NRL: variants seen among roughly 807,000 people sequenced by gnomAD.
NRL encodes neural retina-specific leucine zipper protein.
NRL carries 16 observed loss-of-function variants against 12.5 expected under a neutral mutation model. That is an observed-to-expected ratio of 1.28 (90% CI 0.87 to 1.95). NRL has a LOEUF of 1.95. Among genes scored for constraint, NRL ranks in the 30% most tolerant of loss-of-function variants. The pLI, the probability that NRL is intolerant of heterozygous loss-of-function variation, is 0.00. For missense variants in NRL, 314 were observed against 325.8 expected (o/e 0.96, Z 0.28); for synonymous variants, 142 against 150.9 (o/e 0.94, Z 0.43).
chr14:24,100,818 A>G (rs549497147), intron 1 of NRL, among the ~76,000 whole-genome samples: 1 of 151,184 alleles, frequency 6.6e-6, no homozygotes, highest in South Asian at 2.1e-4. Flanking sequence ...CCTTCCTACA[A>G]ACAAAATCAG....
chr14:24,087,332 T>C (rs184474519), intron 1 of NRL, among the ~76,000 whole-genome samples: 2 of 151,728 alleles, frequency 1.3e-5, no homozygotes, highest in African/African-American at 4.8e-5. Context: ...TACAAAGAAA[T>C]AGACACATAG....
At chr14:24,096,556 C>T (rs1043605380) in intron 1 of NRL, among the ~76,000 whole-genome samples, 6 of 152,056 alleles carry the variant, frequency 3.9e-5, no homozygotes, top group African/African-American at 1.4e-4. Flanking sequence ...TATTTCTAAA[C>T]GTTGATTAAA....
In NRL at chr14:24,114,858, C is replaced by T. The variant is rs2037503196; in HGVS notation, c.-164G>A. The T allele has an allele frequency of 2.0e-6, 2 of 985,930 alleles. No homozygotes were observed. The highest frequency in any genetic ancestry group is 2.4e-6 in the Non-Finnish European group (2 of 829,958). The allele number at this position is 985,930 out of a possible 1,614,324, so 61.1% of individuals were successfully genotyped here. ...GCGTGACGGAGGAGCGGTTGGCCAA[C>T]GCAGTGGCGGCAGTCGGTGTAAACA... On this transcript the variant is annotated 5_prime_UTR_variant, in exon 1 of 3. Transcript: ENST00000561028.
chr14:24,094,483 C>T lies in NRL; in HGVS notation c.-27-11608G>A. ...CCACCCGCACCTTCCGCTGCGCTCGCCCCCTCGGGGCTGCCAGTGGCGCTC... is the reference window on the plus strand; with the variant it reads ...CCACCCGCACCTTCCGCTGCGCTCGTCCCCTCGGGGCTGCCAGTGGCGCTC... On this transcript the variant is annotated intron_variant, in intron 1 of 2. Coordinates refer to ENST00000561028, the MANE Select transcript of NRL (RefSeq NM_001354768.3). The surrounding 1 kb of genome is among the most constrained non-coding windows in gnomAD (Gnocchi z 4.1). 6.7e-7 allele frequency: 1 copy of T among 1,488,520 alleles called. No homozygotes were observed. The highest frequency in any genetic ancestry group is 1.4e-5 in the African/African-American group (1 of 69,944). The allele number at this position is 1,488,520 out of a possible 1,614,324, so 92.2% of individuals were successfully genotyped here. A position where few individuals can be genotyped will look rare whatever the true frequency, so the allele number is the denominator to read the frequency against.
chr14:24,099,225 G>C (rs747219827), intron 1 of NRL: 35 of 1,595,286 alleles, frequency 2.2e-5, no homozygotes, highest in Non-Finnish European at 3.0e-5. Flanking sequence ...CTGGCTGGCA[G>C]AGCACATGCT....
At chr14:24,103,470 T>C in intron 1 of NRL, 2 of 1,497,502 alleles carry the variant, frequency 1.3e-6, no homozygotes, top group South Asian at 2.6e-5. Flanking sequence ...CCTACCCCAG[T>C]GAGAAGGAAG....
chr14:24,082,149 G>A (rs2036330472), intron 2 of NRL: 1 of 822,902 alleles, frequency 1.2e-6, no homozygotes. Flanking sequence ...CCTTTCCCTG[G>A]TTTCCACACA....
At position 24,098,253 on chromosome 14, in the gene NRL, C is replaced by T. The variant is rs756628023; in HGVS notation, c.-27-15378G>A. 34 of 1,613,890 alleles carry T rather than the reference C, an allele frequency of 2.1e-5. No homozygotes were observed. Among genetic ancestry groups the T allele is most frequent in the Admixed American group, 1.0e-4 (6 of 59,988 alleles). On this transcript the variant is annotated intron_variant, in intron 1 of 2. Coordinates refer to ENST00000561028, the MANE Select transcript of NRL (RefSeq NM_001354768.3). ...GATGTGGCACGAGTAGAGAGCAAGA[C>T]GGTGATTGTAACTCCTTCTCAGCGG... is the stretch of plus-strand genomic sequence containing the variant.
Position 24,094,367 on chromosome 14 carries a change from C to G in NRL, c.-27-11492G>C. The G allele has an allele frequency of 6.5e-7, 1 of 1,533,996 alleles. No individual in the cohort carries two copies. Among genetic ancestry groups the G allele is most frequent in the Non-Finnish European group, 8.8e-7 (1 of 1,140,846 alleles). The stretch of plus-strand genomic sequence containing the variant: ...CGCCTTCCATACCTCCCCGGCTCCG[C>G]TCGGTTCCTGGCCACCCCGCAGCCC... On this transcript the variant is annotated intron_variant, in intron 1 of 2. Coordinates refer to ENST00000561028, the MANE Select transcript of NRL (RefSeq NM_001354768.3). This position sits in a 1 kb window ranked among gnomAD's most constrained non-coding sequence, Gnocchi z 4.1.
intron 1 of NRL, chr14:24,103,814 C>A (rs367870843): frequency 6.2e-7 from 1 of 1,614,026 alleles, no homozygotes; most frequent in Non-Finnish European, 8.5e-7. Context: ...GAGCTATAGA[C>A]ACCACTCAGC....
chr14:24,099,946 C>T, intron 1 of NRL: 1 of 1,614,032 alleles, frequency 6.2e-7, no homozygotes, highest in Non-Finnish European at 8.5e-7. Context: ...GGTCTTACAT[C>T]TCAAGTTTTC....
chr14:24,101,556 CT>C (rs990105261), intron 1 of NRL, among the ~76,000 whole-genome samples: 12 of 152,338 alleles, frequency 7.9e-5, no homozygotes, highest in African/African-American at 2.9e-4. Context: ...ATCCCTATCT[CT>C]ATTTTTCCAG....
rs1231756256 is a variant in NRL, at chr14:24,079,737, G to A, written c.*1499C>T. On this transcript the variant is annotated 3_prime_UTR_variant, in exon 3 of 3. Coordinates refer to ENST00000561028, the MANE Select transcript of NRL (RefSeq NM_001354768.3). Reference sequence around the variant, plus strand: ...CTCCCATTTATTATGTCCGGTAGAGGACAGATGACAGTAACTCGTGAGGCG... The same window carrying A: ...CTCCCATTTATTATGTCCGGTAGAGAACAGATGACAGTAACTCGTGAGGCG... Among the ~76,000 whole-genome samples, 1 of 152,162 alleles carries A rather than the reference G, an allele frequency of 6.6e-6. No individual in the cohort carries two copies. Among genetic ancestry groups the A allele is most frequent in the Non-Finnish European group, 1.5e-5 (1 of 68,024 alleles).
chr14:24,114,872 T>A lies in NRL; in HGVS notation c.-178A>T. On this transcript the variant is annotated 5_prime_UTR_variant, in exon 1 of 3. Coordinates refer to ENST00000561028, the MANE Select transcript of NRL (RefSeq NM_001354768.3). ...CGGTTGGCCAACGCAGTGGCGGCAG[T>A]CGGTGTAAACAAGGCCTCGCGCCGC... is the stretch of plus-strand genomic sequence containing the variant. 5.1e-6 allele frequency: 5 copies of A among 985,840 alleles called. No individual in the cohort carries two copies. The highest frequency in any genetic ancestry group is 6.0e-6 in the Non-Finnish European group (5 of 829,924). 61.1% of individuals were successfully genotyped at this position (985,840 alleles called of 1,614,324 possible). A position where few individuals can be genotyped will look rare whatever the true frequency, so the allele number is the denominator to read the frequency against.
At position 24,114,745 on chromosome 14, in the gene NRL, T is replaced by A. The variant is rs2037498343; in HGVS notation, c.-51A>T. 1.0e-6 allele frequency: 1 copy of A among 985,820 alleles called. No individual in the cohort carries two copies. The highest frequency in any genetic ancestry group is 4.7e-5 in the South Asian group (1 of 21,310). 61.1% of individuals were successfully genotyped at this position (985,820 alleles called of 1,614,324 possible). ...ACCTATCAATCATCGTGCTCCGCTG[T>A]CCAGTTGGCTGGCCAAGGGGGCGGG... On this transcript the variant is annotated 5_prime_UTR_variant, in exon 1 of 3. Coordinates refer to ENST00000561028, the MANE Select transcript of NRL (RefSeq NM_001354768.3).
intron 1 of NRL, chr14:24,098,202 G>T (rs1205092445): frequency 1.3e-6 from 2 of 1,591,928 alleles, no homozygotes; most frequent in Non-Finnish European, 1.7e-6. Context: ...CTCTCCCCCA[G>T]CTGGCTGGCC....
intron 1 of NRL, among the ~76,000 whole-genome samples, chr14:24,092,763 T>A (rs1304996840): frequency 6.6e-6 from 1 of 152,226 alleles, no homozygotes; most frequent in Non-Finnish European, 1.5e-5. Context: ...CAAGACTGTT[T>A]CTGTTGCAAG....
intron 1 of NRL, among the ~76,000 whole-genome samples, chr14:24,101,247 C>G (rs914195367): frequency 1.3e-5 from 2 of 152,250 alleles, no homozygotes; most frequent in Non-Finnish European, 2.9e-5. Flanking sequence ...TCCCCAGCTT[C>G]AATTCCCAGA....
At position 24,094,167 on chromosome 14, in the gene NRL, G is replaced by T. The variant is rs1024895726; in HGVS notation, c.-27-11292C>A. ...GTTTGGAGGCAGGGGTTGGGGCGGC[G>T]GCTGGGCTGACCTGGAGCCTGGAGC... On this transcript the variant is annotated intron_variant, in intron 1 of 2. Coordinates refer to ENST00000561028, the MANE Select transcript of NRL (RefSeq NM_001354768.3). The surrounding 1 kb of genome is among the most constrained non-coding windows in gnomAD (Gnocchi z 4.1). The T allele has an allele frequency of 1.3e-5, 7 of 549,220 alleles. No homozygotes were observed. The African/African-American group carries it at 1.4e-4, about 11-fold the overall frequency. 34.0% of individuals were successfully genotyped at this position (549,220 alleles called of 1,614,324 possible). A position where few individuals can be genotyped will look rare whatever the true frequency, so the allele number is the denominator to read the frequency against.
Sources: gnomAD v4.1 joint callset for allele counts (sites outside exome capture counted in the v4.1 genomes callset) on GRCh38, gnomAD v4.1.1 for gene constraint, Gnocchi (gnomAD v3.1) non-coding constraint, MANE v1.5 for transcripts, NCBI Gene and HGNC (gene_info 2026-07-23, HGNC 2026-07-21) for gene names.